Variants in TRMT1L observed in about 807,000 individuals in gnomAD.
TRMT1L encodes tRNA methyltransferase 1L, also known as tRNA (guanine(27)-N(2))-dimethyltransferase.
TRMT1L carries 28 observed loss-of-function variants against 81.6 expected under a neutral mutation model. The ratio of observed to expected loss-of-function variants is 0.34; its 90% confidence interval spans 0.25 to 0.47. The LOEUF is 0.47. TRMT1L is among the 20% of genes least tolerant of loss of function. The pLI is 1.00. For missense variants in TRMT1L, 739 were observed against 877.1 expected (o/e 0.84, Z 1.99); for synonymous variants, 301 against 303.2 (o/e 0.99, Z 0.07).
intron 2 of TRMT1L, among the ~76,000 whole-genome samples, chr1:185,151,520 T>G (rs1230334337): frequency 6.6e-6 from 1 of 152,160 alleles, no homozygotes; most frequent in Non-Finnish European, 1.5e-5. Flanking sequence ...AATATTAACC[T>G]CTTAAGACAC....
rs1652412158 is a variant in TRMT1L, at chr1:185,118,324, G to A, written c.*1695C>T. ...CTTTGAAAAATCTACCTTTATATGT[G>A]AAATTAATATACACATATATTTTAG... is the stretch of plus-strand genomic sequence containing the variant. On this transcript the variant is annotated 3_prime_UTR_variant, in exon 15 of 15. Transcript: ENST00000367506. The A allele has an allele frequency of 6.6e-6, 1 of 151,958 alleles. No homozygotes were observed. Among genetic ancestry groups the A allele is most frequent in the Non-Finnish European group, 1.5e-5 (1 of 67,980 alleles). 9.4% of individuals were successfully genotyped at this position (151,958 alleles called of 1,614,324 possible).
intron 8 of TRMT1L, 123 bp from the exon 9 acceptor site, chr1:185,139,702 A>G: frequency 1.3e-6 from 1 of 774,886 alleles, no homozygotes; most frequent in Non-Finnish European, 2.0e-6. Flanking sequence ...TATTTTAAGT[A>G]CATAATTCTG....
intron 7 of TRMT1L, among the ~76,000 whole-genome samples, chr1:185,142,186 T>C (rs1653068514): frequency 6.6e-6 from 1 of 152,198 alleles, no homozygotes; most frequent in African/African-American, 2.4e-5. Context: ...ATGGTACTAA[T>C]GCTGATCATC....
rs769139860 is a variant in TRMT1L at position 185,151,848 on chromosome 1, A to G, written c.323T>C (p.Leu108Ser). The G allele has an allele frequency of 6.3e-7, 1 of 1,591,886 alleles. No homozygotes were observed. The highest frequency in any genetic ancestry group is 1.2e-5 in the South Asian group (1 of 86,668). Reference protein sequence around the residue: ...TDGNFDSASSLNSDNLDAGNR... With the variant: ...TDGNFDSASSSNSDNLDAGNR... ...ACCTGCATCAAGATTATCTGAGTTC[A>G]ATGAGCTGGCAGAGTCAAAATTTCC... The change falls in exon 2 of 15, where the codon TTG (leucine) becomes TCG (serine). Residue 108 changes from leucine (L) to serine (S), a missense_variant. Leu to Ser is a moderately radical substitution (Grantham distance 145). Transcript: ENST00000367506.
chr1:185,156,506 T>C lies in TRMT1L; in HGVS notation c.207A>G (p.Leu69=), dbSNP rs1248059126. The C allele has an allele frequency of 6.2e-7, 1 of 1,613,752 alleles. No individual in the cohort carries two copies. The highest frequency in any genetic ancestry group is 2.2e-5 in the East Asian group (1 of 44,852). The part of the protein sequence containing the change: ...LAQAPALSPS[L]ASAPEEAKSK... ...TTTTAGCCTCCTCAGGGGCAGAGGCTAGGGACGGGGACAGGGCCGGAGCCT... is the reference window on the plus strand; with the variant it reads ...TTTTAGCCTCCTCAGGGGCAGAGGCCAGGGACGGGGACAGGGCCGGAGCCT... Residue 69 remains leucine (L), a synonymous_variant, in exon 1 of 15, where the codon CTA becomes CTG. Transcript: ENST00000367506.
intron 6 of TRMT1L, 115 bp downstream of exon 6, chr1:185,143,791 G>T: frequency 1.1e-6 from 1 of 898,988 alleles, no homozygotes; most frequent in South Asian, 3.2e-5. Flanking sequence ...TAAAACAGAT[G>T]ATTTTTATTC....
At chr1:185,135,138 G>A (rs941622150) in intron 10 of TRMT1L, among the ~76,000 whole-genome samples, 4 of 152,096 alleles carry the variant, frequency 2.6e-5, no homozygotes, top group East Asian at 1.9e-4. Flanking sequence ...CAAACAGGCC[G>A]GGTGTGGTGG....
At chr1:185,128,621 T>G in intron 11 of TRMT1L, 48 bp downstream of exon 11, 5 of 1,533,680 alleles carry the variant, frequency 3.3e-6, no homozygotes, top group Non-Finnish European at 4.5e-6. Flanking sequence ...AATTAATAAA[T>G]CAATCAATAC....
At position 185,150,485 on chromosome 1, in the gene TRMT1L, T is replaced by C. The variant is rs139038962; in HGVS notation, c.354A>G (p.Arg118=). The C allele has an allele frequency of 3.1e-6, 5 of 1,610,284 alleles. No individual in the cohort carries two copies. In the East Asian group the frequency reaches 8.9e-5, roughly 29 times the overall value. ...CCTTAGGGCACAATGGACAAGCCTG[T>C]CTGTTGCCTTAAAAAGAAAAAAGAA... The part of the protein sequence containing the change: ...LNSDNLDAGN[R]QACPLCPKEK... The change falls in exon 3 of 15, where the codon AGA becomes AGG. Residue 118 remains arginine, a synonymous_variant. Transcript: ENST00000367506.
intron 1 of TRMT1L, among the ~76,000 whole-genome samples, chr1:185,155,696 A>T (rs951530610): frequency 6.6e-6 from 1 of 152,248 alleles, no homozygotes; most frequent in Admixed American, 6.5e-5. Flanking sequence ...TAGACCTTAC[A>T]TTTTAAAATG....
chr1:185,152,569 C>T (rs780090521), intron 1 of TRMT1L, among the ~76,000 whole-genome samples: 10 of 152,114 alleles, frequency 6.6e-5, no homozygotes, highest in Non-Finnish European at 8.8e-5. Flanking sequence ...GTGAATTATA[C>T]GATCTGAATG....
intron 6 of TRMT1L, among the ~76,000 whole-genome samples, 198 bp downstream of exon 6, chr1:185,143,708 T>TA (rs1653110058): frequency 6.6e-6 from 1 of 152,116 alleles, no homozygotes; most frequent in East Asian, 1.9e-4. Flanking sequence ...TATATAAAGT[T>TA]ACGCCTATCT....
intron 10 of TRMT1L, among the ~76,000 whole-genome samples, chr1:185,133,578 T>A (rs569678296): frequency 7.9e-5 from 12 of 151,902 alleles, no homozygotes; most frequent in Non-Finnish European, 1.5e-4. Flanking sequence ...TCACTCACTC[T>A]CTGGTTCTTC....
intron 1 of TRMT1L, among the ~76,000 whole-genome samples, chr1:185,154,617 A>G (rs12141556): frequency 0.087 from 13,254 of 152,272 alleles, 794 homozygotes; most frequent in Non-Finnish European, 0.13. Flanking sequence ...AGCAATCAAT[A>G]AAGACGTGCC....
intron 1 of TRMT1L, among the ~76,000 whole-genome samples, chr1:185,152,426 T>C (rs1653383333): frequency 6.6e-6 from 1 of 152,154 alleles, no homozygotes; most frequent in Non-Finnish European, 1.5e-5. Flanking sequence ...TGTGGTATGT[T>C]TGGGGGGATG....
chr1:185,144,646 A>T (rs947580374), intron 5 of TRMT1L, among the ~76,000 whole-genome samples: 5 of 139,680 alleles, frequency 3.6e-5, no homozygotes, highest in Non-Finnish European at 7.7e-5. Flanking sequence ...ATTGATGTGT[A>T]TATATGTGCA....
Position 185,124,939 on chromosome 1 carries a change from G to GT in TRMT1L, c.1759+4dup, listed in dbSNP as rs1248391315. On this transcript the variant is annotated splice_donor_region_variant and intron_variant, in intron 12 of 14. Transcript: ENST00000367506. ...AAGCTAGTAAGCTAGCGTTCAGTTA[G>GT]TCACCTTGCTTGTTGACATTTGAAG... 6.2e-7 allele frequency: 1 copy of GT among 1,607,666 alleles called. No homozygotes were observed. The highest frequency in any genetic ancestry group is 1.7e-5 in the Admixed American group (1 of 59,710).
chr1:185,120,921 GGACAATGTCTTT>G (rs1652485253), intron 13 of TRMT1L: 1 of 153,114 alleles, frequency 6.5e-6, no homozygotes, highest in Non-Finnish European at 1.5e-5. Context: ...AAGTTCCTAA[GGACAATGTCTTT>G]CATTTTTATA....
At chr1:185,139,339 A>G in intron 9 of TRMT1L, 28 bp downstream of exon 9, 1 of 1,585,124 alleles carries the variant, frequency 6.3e-7, no homozygotes, top group South Asian at 1.1e-5. Flanking sequence ...ACTGAAACAC[A>G]CTAAGTACAC....
Sources: allele counts gnomAD v4.1 joint callset (sites outside exome capture counted in the v4.1 genomes callset), GRCh38; gene constraint gnomAD v4.1.1; transcripts MANE v1.5; gene names NCBI Gene and HGNC (gene_info 2026-07-23, HGNC 2026-07-21).